The following ANO6 variants were observed in gnomAD, a reference collection of about 807,000 sequenced individuals.
The protein encoded by ANO6 is anoctamin 6.
Under a neutral mutation model 117.5 loss-of-function variants are expected in ANO6, and 106 were observed. That is an observed-to-expected ratio of 0.90 (90% CI 0.77 to 1.06). The LOEUF (loss-of-function observed/expected upper bound fraction) is 1.06. ANO6 is among the 50% of genes least tolerant of loss of function. ANO6 has a pLI of 0.00. For missense variants in ANO6, 955 were observed against 1,121.1 expected (o/e 0.85, Z 2.12); for synonymous variants, 367 against 385.1 (o/e 0.95, Z 0.55).
intron 2 of ANO6, among the ~76,000 whole-genome samples, chr12:45,320,585 T>A (rs1940227231): frequency 6.6e-6 from 1 of 152,156 alleles, no homozygotes; most frequent in African/African-American, 2.4e-5. Context: ...CTGAGAAGAA[T>A]GTATATTCTG....
At chr12:45,371,666 A>G (rs1019654367) in intron 9 of ANO6, among the ~76,000 whole-genome samples, 12 of 152,088 alleles carry the variant, frequency 7.9e-5, no homozygotes, top group South Asian at 6.2e-4. Context: ...TGTTAGAAGG[A>G]AAACTAACAA....
chr12:45,302,073 G>C lies in ANO6; in HGVS notation c.130G>C (p.Asp44His), dbSNP rs1939510743. Reference protein sequence around the residue: ...PDLGSLESQHDFRTPEFEEFN... With the variant: ...PDLGSLESQHHFRTPEFEEFN... ...TTTGGGATCACTGGAAAGTCAGCATGATTTTCGAACCCCGGAGTTTGTGAG... is the reference window on the plus strand; with the variant it reads ...TTTGGGATCACTGGAAAGTCAGCATCATTTTCGAACCCCGGAGTTTGTGAG... Residue 44 changes from aspartate to histidine, a missense_variant, in exon 2 of 20, where the codon GAT (aspartate) becomes CAT (histidine). Physicochemically the swap from Asp to His is moderately conservative, Grantham distance 81. Coordinates refer to ENST00000320560, the MANE Select transcript of ANO6 (RefSeq NM_001025356.3). 6.2e-7 allele frequency: 1 copy of C among 1,613,850 alleles called. No homozygotes were observed. The highest frequency in any genetic ancestry group is 1.1e-5 in the South Asian group (1 of 91,094).
chr12:45,245,472 TG>T (rs1947811054), intron 1 of ANO6, among the ~76,000 whole-genome samples: 1 of 151,814 alleles, frequency 6.6e-6, no homozygotes, highest in East Asian at 1.9e-4. Context: ...CTCCTTTCCT[TG>T]GGTTAGTAGT....
downstream of ANO6, chr12:45,432,396 C>CAAAT (rs10674643): frequency 0.087 from 58,171 of 671,136 alleles, 5,372 homozygotes; most frequent in East Asian, 0.42. Flanking sequence ...AGGAAGAGAA[C>CAAAT]ATATATCTGC....
intron 6 of ANO6, among the ~76,000 whole-genome samples, chr12:45,350,405 C>T (rs182292671): frequency 1.8e-4 from 28 of 152,262 alleles, no homozygotes; most frequent in Admixed American, 1.6e-3. Context: ...GGGGCCCTCA[C>T]AGAGTCCCTG....
At chr12:45,216,740 G>A (rs1947320312) in intron 1 of ANO6, among the ~76,000 whole-genome samples, 2 of 152,252 alleles carry the variant, frequency 1.3e-5, no homozygotes, top group South Asian at 4.1e-4. Context: ...GAGTGCTAGG[G>A]TTGCCCAGGA....
At chr12:45,315,864 A>G (rs1293444806) in intron 2 of ANO6, among the ~76,000 whole-genome samples, 1 of 151,978 alleles carries the variant, frequency 6.6e-6, no homozygotes, top group Non-Finnish European at 1.5e-5. Flanking sequence ...CGTCCAGTTA[A>G]TCACCAGGGT....
At chr12:45,248,986 A>G (rs954212771) in intron 1 of ANO6, among the ~76,000 whole-genome samples, 1 of 152,174 alleles carries the variant, frequency 6.6e-6, no homozygotes, top group Admixed American at 6.5e-5. Flanking sequence ...CTGAGTCAGG[A>G]TGGTGTAGTC....
chr12:45,413,425 G>A (rs1943136288), intron 16 of ANO6, among the ~76,000 whole-genome samples: 1 of 152,224 alleles, frequency 6.6e-6, no homozygotes, highest in Non-Finnish European at 1.5e-5. Flanking sequence ...ATGCCTAAGT[G>A]TTGGATATTT....
intron 8 of ANO6, among the ~76,000 whole-genome samples, chr12:45,364,275 A>C (rs1941629112): frequency 6.6e-6 from 1 of 152,152 alleles, no homozygotes; most frequent in African/African-American, 2.4e-5. Context: ...TGATACTCCT[A>C]GGTTTGGATC....
At chr12:45,357,734 G>A (rs901484403) in intron 8 of ANO6, among the ~76,000 whole-genome samples, 1 of 152,190 alleles carries the variant, frequency 6.6e-6, no homozygotes, top group Non-Finnish European at 1.5e-5. Context: ...TTGGCCCCTA[G>A]AGGAATGTAC....
chr12:45,350,671 C>T lies in ANO6; in HGVS notation c.760C>T (p.Arg254Cys), dbSNP rs372568985. The T allele has an allele frequency of 8.4e-5, 136 of 1,613,566 alleles. No homozygotes were observed. Among genetic ancestry groups the T allele is most frequent in the Middle Eastern group, 3.3e-4 (2 of 6,082 alleles). The change falls in exon 7 of 20, where the codon CGT becomes TGT. Residue 254 changes from arginine to cysteine, a missense_variant. Coordinates refer to ENST00000320560, the MANE Select transcript of ANO6 (RefSeq NM_001025356.3). ...AFPLHDCKFR[R>C]QSEDPSCPNE... Reference sequence around the variant, plus strand: ...TTCTGCGTCACAGTGCAAATTCCGCCGTCAGTCAGAGGATCCCAGCTGCCC... The same window carrying T: ...TTCTGCGTCACAGTGCAAATTCCGCTGTCAGTCAGAGGATCCCAGCTGCCC...
intron 6 of ANO6, 23 bp downstream of exon 6, chr12:45,348,654 A>G (rs1941205587): frequency 6.4e-7 from 1 of 1,554,640 alleles, no homozygotes; most frequent in African/African-American, 1.4e-5. Flanking sequence ...GCAAAAATGA[A>G]CTAAAAGGCC....
Position 45,293,747 on chromosome 12 carries a change from T to G in ANO6, c.71-8267T>G, listed in dbSNP as rs894350999. On this transcript the variant is annotated intron_variant, in intron 1 of 19. Coordinates refer to ENST00000320560, the MANE Select transcript of ANO6 (RefSeq NM_001025356.3). ...GGCTAATGTTTTTTTTTTTTTTTTT[T>G]TTTTTTTTTGTATTTTTAGTAGAGA... is the stretch of plus-strand genomic sequence containing the variant. Among the ~76,000 whole-genome samples, 62 of 142,152 alleles carry G rather than the reference T, an allele frequency of 4.4e-4. 1 individual carries two copies. Among genetic ancestry groups the G allele is most frequent in the African/African-American group, 1.6e-3 (62 of 38,402 alleles). 93.3% of individuals were successfully genotyped at this position (142,152 alleles called of 152,430 possible).
rs149025481 is a variant in ANO6, at chr12:45,217,133, A to C, written c.70+742A>C. Among the ~76,000 whole-genome samples, 249 of 152,316 alleles carry C rather than the reference A, an allele frequency of 1.6e-3. 2 individuals are homozygous for C. Among genetic ancestry groups the C allele is most frequent in the African/African-American group, 5.7e-3 (238 of 41,566 alleles). On this transcript the variant is annotated intron_variant, in intron 1 of 19. Coordinates refer to ENST00000320560, the MANE Select transcript of ANO6 (RefSeq NM_001025356.3). The stretch of plus-strand genomic sequence containing the variant: ...GAGGGAGAGCTGTTTTAAGAGCAAA[A>C]AAAGAAAAAAAGGGCAAACAAAAGG...
downstream of ANO6, among the ~76,000 whole-genome samples, chr12:45,435,540 C>T (rs1943697648): frequency 7.2e-5 from 11 of 152,192 alleles, no homozygotes. Context: ...CCCCTTCCTT[C>T]CCACCTACCC....
chr12:45,354,406 G>A (rs1941360021), intron 7 of ANO6, among the ~76,000 whole-genome samples: 1 of 152,226 alleles, frequency 6.6e-6, no homozygotes, highest in Admixed American at 6.5e-5. Context: ...AATTTTCACA[G>A]TTTAGATGTG....
At chr12:45,419,640 T>C (rs541285714) in intron 17 of ANO6, among the ~76,000 whole-genome samples, 1 of 152,204 alleles carries the variant, frequency 6.6e-6, no homozygotes, top group Non-Finnish European at 1.5e-5. Context: ...ATGAATACTA[T>C]TAAAAATCAT....
chr12:45,221,443 T>A (rs544102908), intron 1 of ANO6, among the ~76,000 whole-genome samples: 1 of 152,292 alleles, frequency 6.6e-6, no homozygotes, highest in African/African-American at 2.4e-5. Context: ...TTCCAAATAG[T>A]TGCCTGCTAG....
Sources: gnomAD v4.1 joint callset for allele counts (sites outside exome capture counted in the v4.1 genomes callset) on GRCh38, gnomAD v4.1.1 for gene constraint, MANE v1.5 for transcripts, NCBI Gene and HGNC (gene_info 2026-07-23, HGNC 2026-07-21) for gene names.